TRPS1: variants seen among roughly 807,000 people sequenced by gnomAD.
TRPS1 encodes zinc finger transcription factor Trps1.
TRPS1 carries 6 observed loss-of-function variants against 101.2 expected under a neutral mutation model. That is an observed-to-expected ratio of 0.06 (90% CI 0.03 to 0.12). TRPS1 has a LOEUF of 0.12. TRPS1 is among the 10% of genes least tolerant of loss of function. The probability of loss-of-function intolerance (pLI) is 1.00; values close to 1 mark genes in which losing one functional copy is unlikely to be tolerated. For missense variants in TRPS1, 1,363 were observed against 1,567.0 expected (o/e 0.87, Z 2.20); for synonymous variants, 578 against 589.8 (o/e 0.98, Z 0.29).
At chr8:115,524,589 G>C (rs1815950117) in intron 5 of TRPS1, among the ~76,000 whole-genome samples, 1 of 151,890 alleles carries the variant, frequency 6.6e-6, no homozygotes, top group Non-Finnish European at 1.5e-5. Context: ...AAAGTGCTGG[G>C]ATTACAGGTG....
chr8:115,639,992 T>C (rs764731170), intron 1 of TRPS1, among the ~76,000 whole-genome samples: 1 of 152,216 alleles, frequency 6.6e-6, no homozygotes, highest in Non-Finnish European at 1.5e-5. Context: ...AGTAGTTACA[T>C]ATATTATTGA....
chr8:115,599,565 TC>T (rs1817863224), intron 4 of TRPS1, among the ~76,000 whole-genome samples: 1 of 152,142 alleles, frequency 6.6e-6, no homozygotes, highest in African/African-American at 2.4e-5. Flanking sequence ...ATTGTTCAAC[TC>T]CCACTTATAA....
At chr8:115,579,687 T>C (rs745701550) in intron 5 of TRPS1, among the ~76,000 whole-genome samples, 1 of 152,124 alleles carries the variant, frequency 6.6e-6, no homozygotes. Flanking sequence ...TGTATATACT[T>C]AGCATTTTCT....
At chr8:115,530,686 C>T (rs1021413462) in intron 5 of TRPS1, among the ~76,000 whole-genome samples, 9 of 152,076 alleles carry the variant, frequency 5.9e-5, no homozygotes, top group African/African-American at 1.9e-4. Context: ...AACCCAAATG[C>T]CCATCAATGA....
chr8:115,575,878 G>C (rs1323271363), intron 5 of TRPS1, among the ~76,000 whole-genome samples: 1 of 152,096 alleles, frequency 6.6e-6, no homozygotes, highest in Admixed American at 6.6e-5. Flanking sequence ...TAATTGTAAT[G>C]AAACAGCTGG....
chr8:115,440,719 G>T (rs942971904), intron 5 of TRPS1, among the ~76,000 whole-genome samples: 1 of 152,088 alleles, frequency 6.6e-6, no homozygotes, highest in African/African-American at 2.4e-5. Flanking sequence ...AAGATTCAAA[G>T]GCATTTGCAG....
chr8:115,482,359 T>C (rs1814775324), intron 5 of TRPS1, among the ~76,000 whole-genome samples: 1 of 152,188 alleles, frequency 6.6e-6, no homozygotes, highest in Admixed American at 6.5e-5. Flanking sequence ...AACATATAGG[T>C]CAATTTTGGC....
intron 5 of TRPS1, among the ~76,000 whole-genome samples, chr8:115,471,154 T>C (rs1814458787): frequency 1.3e-5 from 2 of 152,176 alleles, no homozygotes; most frequent in Non-Finnish European, 2.9e-5. Flanking sequence ...CTGTAGGGTA[T>C]TGTATTAGTC....
At chr8:115,550,108 T>C (rs1586392191) in intron 5 of TRPS1, among the ~76,000 whole-genome samples, 1 of 152,148 alleles carries the variant, frequency 6.6e-6, no homozygotes, top group South Asian at 2.1e-4. Context: ...TCCCAGCTAC[T>C]TGGGAGGCTG....
rs569761677 is a variant in TRPS1, at chr8:115,506,947, T to A, written c.2700+80054A>T. On this transcript the variant is annotated intron_variant, in intron 5 of 6. Coordinates refer to ENST00000395715, the MANE Select transcript of TRPS1 (RefSeq NM_014112.5). ...AAAAGTAAAAAGGTCAAGAGTCTAA[T>A]TCATTTTCAGTTTTTAAAACTATAT... 7.2e-5 allele frequency among the ~76,000 whole-genome samples: 11 copies of A among 152,266 alleles called. No individual in the cohort carries two copies. The East Asian group carries it at 2.1e-3, about 29-fold the overall frequency.
intron 5 of TRPS1, among the ~76,000 whole-genome samples, chr8:115,479,924 C>T (rs1201440898): frequency 1.3e-5 from 2 of 152,050 alleles, no homozygotes; most frequent in African/African-American, 4.8e-5. Context: ...GACCAGATAG[C>T]TTCACAATTC....
intron 3 of TRPS1, among the ~76,000 whole-genome samples, chr8:115,616,677 T>G (rs1316059882): frequency 6.6e-6 from 1 of 152,186 alleles, no homozygotes; most frequent in Admixed American, 6.5e-5. Context: ...TATATATAAT[T>G]CCTAAAATTG....
intron 5 of TRPS1, among the ~76,000 whole-genome samples, chr8:115,562,795 GCA>G (rs1200293855): frequency 1.3e-5 from 2 of 151,104 alleles, no homozygotes; most frequent in Non-Finnish European, 3.0e-5. Flanking sequence ...AGGAGAGATG[GCA>G]CATAACTTTT....
intron 5 of TRPS1, among the ~76,000 whole-genome samples, chr8:115,544,446 C>T (rs1816525050): frequency 6.6e-6 from 1 of 151,958 alleles, no homozygotes; most frequent in South Asian, 2.1e-4. Context: ...TCCTGTACCT[C>T]CCTGGCATCT....
chr8:115,484,170 A>G (rs1378198525), intron 5 of TRPS1, among the ~76,000 whole-genome samples: 1 of 152,152 alleles, frequency 6.6e-6, no homozygotes, highest in Non-Finnish European at 1.5e-5. Flanking sequence ...TCTCAAAACA[A>G]GGCATACTAC....
intron 5 of TRPS1, among the ~76,000 whole-genome samples, chr8:115,445,477 C>A (rs1373754107): frequency 1.3e-5 from 2 of 152,042 alleles, no homozygotes; most frequent in Non-Finnish European, 2.9e-5. Context: ...TAAGTTGGTC[C>A]AGAGATGTTA....
rs540345416 is a variant in TRPS1, at chr8:115,567,034, G to A, written c.2700+19967C>T. Among the ~76,000 whole-genome samples the A allele has an allele frequency of 4.6e-5, 7 of 152,192 alleles. No homozygotes were observed. In the East Asian group the frequency reaches 9.7e-4, roughly 21 times the overall value. On this transcript the variant is annotated intron_variant, in intron 5 of 6. Coordinates refer to ENST00000395715, the MANE Select transcript of TRPS1 (RefSeq NM_014112.5). The stretch of plus-strand genomic sequence containing the variant: ...AAACCCACGCATCTTTCTCATTTGA[G>A]AAAATTTACATTGCTTTCCCTGGAA...
chr8:115,623,492 C>A (rs543797458), intron 2 of TRPS1, 109 bp downstream of exon 2: 2 of 1,312,374 alleles, frequency 1.5e-6, no homozygotes, highest in East Asian at 2.5e-5. Flanking sequence ...AAGACTATAG[C>A]CACCCTCAAG....
At position 115,411,344 on chromosome 8, in the gene TRPS1, T is replaced by C. The variant is rs888297438; in HGVS notation, c.*2679A>G. The C allele has an allele frequency of 1.3e-5, 2 of 152,430 alleles. No individual in the cohort carries two copies. The highest frequency in any genetic ancestry group is 2.9e-5 in the Non-Finnish European group (2 of 67,976). The allele number at this position is 152,430 out of a possible 1,614,324, so 9.4% of individuals were successfully genotyped here. ...ATGCCAAAAATAAAGAACCTATTTGTGTCCGACACACTAGAGAAATTGCTT... is the reference window on the plus strand; with the variant it reads ...ATGCCAAAAATAAAGAACCTATTTGCGTCCGACACACTAGAGAAATTGCTT... On this transcript the variant is annotated 3_prime_UTR_variant, in exon 7 of 7. Transcript: ENST00000395715.
Sources: gnomAD v4.1 joint callset for allele counts (sites outside exome capture counted in the v4.1 genomes callset) on GRCh38, gnomAD v4.1.1 for gene constraint, MANE v1.5 for transcripts, NCBI Gene and HGNC (gene_info 2026-07-23, HGNC 2026-07-21) for gene names.